NKAIN2: variants seen among roughly 807,000 people sequenced by gnomAD.
NKAIN2 encodes sodium/potassium transporting ATPase interacting 2, also known as sodium/potassium-transporting ATPase subunit beta-1-interacting protein 2.
Under a neutral mutation model 32.6 loss-of-function variants are expected in NKAIN2, and 14 were observed. That is an observed-to-expected ratio of 0.43 (90% confidence interval 0.28 to 0.67). The LOEUF is 0.67. Ranked by LOEUF, NKAIN2 falls within the 30% of genes least tolerant of loss-of-function variation. NKAIN2 has a pLI of 0.17. For missense variants in NKAIN2, 198 were observed against 258.3 expected, an observed-to-expected ratio of 0.77 and a Z score of 1.60; for synonymous variants, 80 against 87.2, an observed-to-expected ratio of 0.92 and a Z score of 0.46.
intron 3 of NKAIN2, among the ~76,000 whole-genome samples, chr6:124,603,392 G>T (rs1782379697): frequency 6.6e-6 from 1 of 151,710 alleles, no homozygotes; most frequent in Admixed American, 6.6e-5. Flanking sequence ...TTAAATTCCT[G>T]CATTTCTATT....
At chr6:124,478,301 C>G (rs1777310400) in intron 3 of NKAIN2, among the ~76,000 whole-genome samples, 1 of 152,192 alleles carries the variant, frequency 6.6e-6, no homozygotes, top group South Asian at 2.1e-4. Context: ...AAGCACTGCT[C>G]TATTTATCAA....
Position 124,530,093 on chromosome 6 carries a change from A to G in NKAIN2, c.274-128093A>G, listed in dbSNP as rs147381284. Among the ~76,000 whole-genome samples, 97 of 152,356 alleles carry G rather than the reference A, an allele frequency of 6.4e-4. 1 individual carries two copies. In the East Asian group the frequency reaches 0.019, roughly 29 times the overall value. On this transcript the variant is annotated intron_variant, in intron 3 of 6. Coordinates refer to ENST00000368417, the MANE Select transcript of NKAIN2 (RefSeq NM_001040214.3). Reference sequence around the variant, plus strand: ...GAACCAGAACCAATAGGATATACACAGTTGACCCTTGAACAATGCAGGGGC... The same window carrying G: ...GAACCAGAACCAATAGGATATACACGGTTGACCCTTGAACAATGCAGGGGC...
chr6:124,263,314 A>G (rs1467218886), intron 1 of NKAIN2, among the ~76,000 whole-genome samples: 5 of 152,208 alleles, frequency 3.3e-5, no homozygotes, highest in Admixed American at 3.3e-4. Flanking sequence ...TGAAGCTCTC[A>G]TTCCCTTTAG....
At chr6:124,685,865 A>G (rs1216607569) in intron 4 of NKAIN2, among the ~76,000 whole-genome samples, 1 of 152,220 alleles carries the variant, frequency 6.6e-6, no homozygotes, top group Non-Finnish European at 1.5e-5. Flanking sequence ...TTAGCAGCTT[A>G]AAACAACACA....
chr6:124,686,044 G>A (rs1773858967), intron 4 of NKAIN2, among the ~76,000 whole-genome samples: 1 of 152,092 alleles, frequency 6.6e-6, no homozygotes, highest in Admixed American at 6.6e-5. Context: ...GAGATTGTTG[G>A]CAGAATTCAG....
At chr6:124,765,257 G>T (rs1359009493) in intron 4 of NKAIN2, among the ~76,000 whole-genome samples, 1 of 152,182 alleles carries the variant, frequency 6.6e-6, no homozygotes, top group Non-Finnish European at 1.5e-5. Context: ...TAAGAATAGA[G>T]TCTCAATGAA....
chr6:124,711,869 T>C (rs9401762), intron 4 of NKAIN2, among the ~76,000 whole-genome samples: 151,834 of 152,176 alleles, frequency 1, 75,748 homozygotes, highest in Middle Eastern at 1. Context: ...TGAGGAACTG[T>C]GTTCCTTTGG....
intron 3 of NKAIN2, among the ~76,000 whole-genome samples, chr6:124,573,207 A>G (rs1245524930): frequency 1.3e-5 from 2 of 152,230 alleles, no homozygotes; most frequent in East Asian, 1.9e-4. Flanking sequence ...AACACCATAC[A>G]CAAAAGCATG....
In NKAIN2 at chr6:124,700,871, G is replaced by GACACACAC. The variant is rs143125409; in HGVS notation, c.474+42506_474+42513dup. On this transcript the variant is annotated intron_variant, in intron 4 of 6. Transcript: ENST00000368417. ...TTCATATAGAAATTGTCTCTTTCCT[G>GACACACAC]ACACACACACACACACACACACACA... Among the ~76,000 whole-genome samples the GACACACAC allele has an allele frequency of 4.0e-3, 579 of 145,462 alleles. 1 individual carries two copies. The highest frequency in any genetic ancestry group is 7.1e-3 in the African/African-American group (280 of 39,480).
intron 1 of NKAIN2, among the ~76,000 whole-genome samples, chr6:123,842,156 G>T (rs756854473): frequency 6.6e-6 from 1 of 152,150 alleles, no homozygotes; most frequent in East Asian, 1.9e-4. Flanking sequence ...ATTACTTGGA[G>T]ACATTATACA....
intron 3 of NKAIN2, among the ~76,000 whole-genome samples, chr6:124,388,669 C>T (rs62436267): frequency 0.052 from 7,843 of 152,020 alleles, 298 homozygotes; most frequent in African/African-American, 0.1. Context: ...TTAATACTCA[C>T]GGTGATTTAA....
intron 3 of NKAIN2, among the ~76,000 whole-genome samples, chr6:124,609,648 G>GC (rs1430778676): frequency 1.3e-5 from 2 of 151,780 alleles, no homozygotes; most frequent in South Asian, 4.2e-4. Flanking sequence ...CCACTAGCTT[G>GC]CCCCCCTCCG....
chr6:123,900,614 A>G (rs951973701), intron 1 of NKAIN2, among the ~76,000 whole-genome samples: 1 of 117,968 alleles, frequency 8.5e-6, no homozygotes, highest in Non-Finnish European at 1.6e-5. Context: ...ATATTTTCCT[A>G]CAATCTGGTT....
intron 3 of NKAIN2, among the ~76,000 whole-genome samples, chr6:124,466,234 A>C (rs1776749925): frequency 6.6e-6 from 1 of 152,126 alleles, no homozygotes; most frequent in Admixed American, 6.6e-5. Flanking sequence ...ACTTATAGCC[A>C]ACCATGACGT....
intron 4 of NKAIN2, 148 bp downstream of exon 4, chr6:124,658,534 A>T: frequency 6.8e-7 from 1 of 1,481,110 alleles, no homozygotes; most frequent in Non-Finnish European, 9.0e-7. Flanking sequence ...GGAAATCCTC[A>T]GGTTAAACTA....
rs79025603 is a variant in NKAIN2, at chr6:124,617,699, C to T, written c.274-40487C>T. Among the ~76,000 whole-genome samples the T allele has an allele frequency of 5.7e-3, 872 of 152,248 alleles. 7 individuals are homozygous for T. The highest frequency in any genetic ancestry group is 0.02 in the African/African-American group (830 of 41,546). On this transcript the variant is annotated intron_variant, in intron 3 of 6. Transcript: ENST00000368417. ...GGACAAATACACTGCTTATAAAAAT[C>T]GTGACTGGGATTATGAATTCTAAAA...
chr6:124,186,483 A>G (rs6569380), intron 1 of NKAIN2, among the ~76,000 whole-genome samples: 18,234 of 152,076 alleles, frequency 0.12, 2,579 homozygotes, highest in African/African-American at 0.34. Flanking sequence ...GAACCTTGAG[A>G]GAATATCAGG....
chr6:124,412,965 C>T (rs1192436550), intron 3 of NKAIN2, among the ~76,000 whole-genome samples: 1 of 152,186 alleles, frequency 6.6e-6, no homozygotes, highest in African/African-American at 2.4e-5. Context: ...GCGTAGGACC[C>T]TCCGAGCCAG....
chr6:124,749,670 C>T (rs1165372516), intron 4 of NKAIN2, among the ~76,000 whole-genome samples: 1 of 151,882 alleles, frequency 6.6e-6, no homozygotes, highest in African/African-American at 2.4e-5. Flanking sequence ...CCCCCACATG[C>T]TCTTTCAATC....
Sources: allele counts gnomAD v4.1 joint callset (sites outside exome capture counted in the v4.1 genomes callset), GRCh38; gene constraint gnomAD v4.1.1; transcripts MANE v1.5; gene names NCBI Gene and HGNC (gene_info 2026-07-23, HGNC 2026-07-21).